The following CUL2 variants were observed in gnomAD, a reference collection of about 807,000 sequenced individuals.
CUL2 encodes the protein cullin 2, also known as cullin-2.
Under a neutral mutation model 110.2 loss-of-function variants are expected in CUL2, and 22 were observed. The observed-to-expected ratio is 0.20, with a 90% confidence interval of 0.14 to 0.28. The LOEUF is 0.28. Among genes scored for constraint, CUL2 ranks in the 10% least tolerant of loss-of-function variants. The pLI is 1.00. For synonymous variants in CUL2, 279 were observed against 293.2 expected (o/e 0.95, Z 0.49); for missense variants, 631 against 905.5 (o/e 0.70, Z 3.89).
chr10:35,075,327 T>C (rs570351217), intron 1 of CUL2, among the ~76,000 whole-genome samples: 23 of 152,140 alleles, frequency 1.5e-4, no homozygotes, highest in Non-Finnish European at 1.0e-4. Context: ...TGTTTAATAA[T>C]AACATTCAGG....
chr10:35,075,672 ACACACACACACG>A (rs1564741758), intron 1 of CUL2, among the ~76,000 whole-genome samples: 1 of 148,498 alleles, frequency 6.7e-6, no homozygotes, highest in Non-Finnish European at 1.5e-5. Context: ...ACACACACAC[ACACACACACACG>A]CACGCTCCAC....
At chr10:35,072,995 C>A (rs898718981) in intron 1 of CUL2, among the ~76,000 whole-genome samples, 2 of 151,976 alleles carry the variant, frequency 1.3e-5, no homozygotes, top group South Asian at 4.2e-4. Context: ...GCAAAGGGAG[C>A]GGGTAGGATG....
intron 20 of CUL2, among the ~76,000 whole-genome samples, chr10:35,010,713 C>T (rs551241758): frequency 3.9e-5 from 6 of 152,354 alleles, no homozygotes; most frequent in African/African-American, 1.2e-4. Context: ...TTAGTTCAAA[C>T]ACTTTCTCAA....
At chr10:35,047,427 G>A (rs1472917448) in intron 6 of CUL2, among the ~76,000 whole-genome samples, 2 of 151,222 alleles carry the variant, frequency 1.3e-5, no homozygotes, top group African/African-American at 4.9e-5. Flanking sequence ...TGGCTAAAAC[G>A]GTGAAACCCC....
chr10:35,017,735 C>G (rs760802495), intron 17 of CUL2, among the ~76,000 whole-genome samples: 1 of 151,492 alleles, frequency 6.6e-6, no homozygotes, highest in Non-Finnish European at 1.5e-5. Context: ...ACCCTGGGAG[C>G]TCTAAGAGAT....
chr10:35,123,158 A>AAAAC (rs113964557), intron 1 of CUL2, among the ~76,000 whole-genome samples: 1 of 151,406 alleles, frequency 6.6e-6, no homozygotes, highest in African/African-American at 2.4e-5. Flanking sequence ...AAACATAACA[A>AAAAC]AAAACAAAAC....
At chr10:35,068,294 C>T (rs1027555213) in intron 2 of CUL2, among the ~76,000 whole-genome samples, 6 of 151,808 alleles carry the variant, frequency 4.0e-5, no homozygotes, top group Non-Finnish European at 7.4e-5. Context: ...TGGTGGCGGG[C>T]ACTTTTAATC....
At chr10:35,121,809 CAA>C (rs148455667) in intron 1 of CUL2, among the ~76,000 whole-genome samples, 49 of 94,048 alleles carry the variant, frequency 5.2e-4, no homozygotes, top group Non-Finnish European at 4.7e-4. Context: ...GACCCTGTCT[CAA>C]AAAAAAAAAA....
rs2084819477 is a variant in CUL2, at chr10:35,008,630, T to C, written c.*1681A>G. 1 of 152,232 alleles carries C rather than the reference T, an allele frequency of 6.6e-6. No individual in the cohort carries two copies. Among genetic ancestry groups the C allele is most frequent in the Non-Finnish European group, 1.5e-5 (1 of 68,040 alleles). The allele number at this position is 152,232 out of a possible 1,614,324, so 9.4% of individuals were successfully genotyped here. A position where few individuals can be genotyped will look rare whatever the true frequency, so the allele number is the denominator to read the frequency against. ...TTGACAGTGAATGTACAATATTATA[T>C]GGTTTGCCATTATTTCCTCTTTTGG... On this transcript the variant is annotated 3_prime_UTR_variant, in exon 21 of 21. Coordinates refer to ENST00000374749, the MANE Select transcript of CUL2 (RefSeq NM_003591.4).
In CUL2 at chr10:35,062,941, C is replaced by G. The variant is rs376096495; in HGVS notation, c.222+19G>C. 7.8e-7 allele frequency: 1 copy of G among 1,287,186 alleles called. No individual in the cohort carries two copies. Among genetic ancestry groups the G allele is most frequent in the Non-Finnish European group, 1.1e-6 (1 of 886,642 alleles). 79.7% of individuals were successfully genotyped at this position (1,287,186 alleles called of 1,614,324 possible). ...TACAACTATCAACATATTTATATCA[C>G]GTATGTATCATTGCTTACCTTATGC... On this transcript the variant is annotated intron_variant, in intron 3 of 20. Transcript: ENST00000374749.
intron 1 of CUL2, among the ~76,000 whole-genome samples, chr10:35,081,424 G>A (rs1226017036): frequency 1.3e-5 from 2 of 151,982 alleles, no homozygotes; most frequent in African/African-American, 4.8e-5. Flanking sequence ...TCTAGTCAAC[G>A]AATTTAAGAA....
chr10:35,010,064 A>T lies in CUL2; in HGVS notation c.*247T>A. On this transcript the variant is annotated 3_prime_UTR_variant, in exon 21 of 21. Coordinates refer to ENST00000374749, the MANE Select transcript of CUL2 (RefSeq NM_003591.4). ...AAGCATGGTACCCAACCGAATTTCC[A>T]CTTTTCAGCAATACTTCACTCATTC... The T allele has an allele frequency of 4.3e-6, 1 of 235,192 alleles. No homozygotes were observed. The highest frequency in any genetic ancestry group is 8.0e-6 in the Non-Finnish European group (1 of 124,868). 14.6% of individuals were successfully genotyped at this position (235,192 alleles called of 1,614,324 possible).
At chr10:35,011,693 G>A (rs1378169713) in intron 20 of CUL2, among the ~76,000 whole-genome samples, 155 bp downstream of exon 20, 2 of 152,186 alleles carry the variant, frequency 1.3e-5, no homozygotes, top group Middle Eastern at 3.2e-3. Flanking sequence ...TACTGAAATT[G>A]TGAGTGAGTA....
chr10:35,116,858 G>A (rs1042246380), intron 1 of CUL2, among the ~76,000 whole-genome samples: 1 of 151,988 alleles, frequency 6.6e-6, no homozygotes, highest in Non-Finnish European at 1.5e-5. Flanking sequence ...CCGGGAGGCT[G>A]AGGTGGGAGA....
intron 1 of CUL2, among the ~76,000 whole-genome samples, chr10:35,102,585 A>G (rs748692279): frequency 2.0e-5 from 3 of 151,870 alleles, no homozygotes; most frequent in Admixed American, 2.0e-4. Flanking sequence ...AAAATAATAA[A>G]AAATAAATAA....
At chr10:35,069,089 G>A (rs950301749) in intron 2 of CUL2, among the ~76,000 whole-genome samples, 7 of 151,972 alleles carry the variant, frequency 4.6e-5, no homozygotes, top group African/African-American at 1.7e-4. Context: ...GGCTGGTCTC[G>A]AACTCCTGAC....
At chr10:35,066,588 T>G (rs2086533249) in intron 2 of CUL2, among the ~76,000 whole-genome samples, 1 of 152,234 alleles carries the variant, frequency 6.6e-6, no homozygotes, top group Non-Finnish European at 1.5e-5. Flanking sequence ...CGTGAGCCAC[T>G]GCGCCCCGCC....
intron 1 of CUL2, among the ~76,000 whole-genome samples, chr10:35,117,817 T>A (rs1362304462): frequency 6.6e-6 from 1 of 152,250 alleles, no homozygotes; most frequent in East Asian, 1.9e-4. Flanking sequence ...AAAATTACAC[T>A]GCATTACATG....
intron 18 of CUL2, among the ~76,000 whole-genome samples, chr10:35,015,676 C>T (rs939461712): frequency 2.6e-4 from 40 of 152,182 alleles, no homozygotes; most frequent in African/African-American, 9.4e-4. Context: ...AAGTAATATA[C>T]TAATGGCTTG....
Sources: gnomAD v4.1 joint callset for allele counts (sites outside exome capture counted in the v4.1 genomes callset) on GRCh38, gnomAD v4.1.1 for gene constraint, MANE v1.5 for transcripts, NCBI Gene and HGNC (gene_info 2026-07-23, HGNC 2026-07-21) for gene names.